PBX4: variants seen among roughly 807,000 people sequenced by gnomAD.
The protein encoded by PBX4 is pre-B-cell leukemia transcription factor 4.
In PBX4, 26 loss-of-function variants were observed where a neutral mutation model predicts 35.1. That is an observed-to-expected ratio of 0.74 (90% CI 0.54 to 1.03). PBX4 has a LOEUF of 1.03. PBX4 is among the 50% of genes least tolerant of loss of function. The pLI is 0.00. For synonymous variants in PBX4, 199 were observed against 204.2 expected (o/e 0.97, Z 0.22); for missense variants, 448 against 504.3 (o/e 0.89, Z 1.07).
intron 2 of PBX4, among the ~76,000 whole-genome samples, chr19:19,586,805 C>A (rs778728649): frequency 6.6e-6 from 1 of 151,662 alleles, no homozygotes; most frequent in African/African-American, 2.4e-5. Context: ...GTGGCATGCA[C>A]CTGTAGTCCC....
At chr19:19,588,583 T>G (rs2061505750) in intron 2 of PBX4, among the ~76,000 whole-genome samples, 3 of 151,642 alleles carry the variant, frequency 2.0e-5, no homozygotes, top group South Asian at 4.2e-4. Flanking sequence ...CCCAATTTTT[T>G]CATCTGAAGA....
chr19:19,600,474 T>C (rs1026694740), intron 1 of PBX4, among the ~76,000 whole-genome samples: 46 of 149,100 alleles, frequency 3.1e-4, no homozygotes, highest in African/African-American at 1.0e-3. Flanking sequence ...TAGTGAGCTA[T>C]GAACATGCCA....
rs397838081 is a variant in PBX4 at position 19,573,330 on chromosome 19, T to TACACACACAC, written c.194-2507_194-2498dup. Among the ~76,000 whole-genome samples, 221 of 133,368 alleles carry TACACACACAC rather than the reference T, an allele frequency of 1.7e-3. 2 individuals are homozygous for TACACACACAC. Among genetic ancestry groups the TACACACACAC allele is most frequent in the East Asian group, 2.2e-3 (10 of 4,616 alleles). The allele number at this position is 133,368 out of a possible 152,430, so 87.5% of individuals were successfully genotyped here. On this transcript the variant is annotated intron_variant, in intron 2 of 7. Coordinates refer to ENST00000251203, the MANE Select transcript of PBX4 (RefSeq NM_025245.3). The stretch of plus-strand genomic sequence containing the variant: ...CCAAAAAAAAGAAAAAAAAAAAATA[T>TACACACACAC]ACACACACACACACACACACACACA...
intron 2 of PBX4, among the ~76,000 whole-genome samples, chr19:19,591,872 T>A (rs190955123): frequency 8.3e-4 from 126 of 152,264 alleles, no homozygotes; most frequent in Admixed American, 1.4e-3. Context: ...ATTTTTATAT[T>A]TTTTTAGAGG....
chr19:19,615,038 G>A (rs1176280007), intron 1 of PBX4, among the ~76,000 whole-genome samples: 9 of 151,664 alleles, frequency 5.9e-5, no homozygotes, highest in South Asian at 2.1e-4. Context: ...AGTGGCACAC[G>A]CCTGTAATCC....
In PBX4 at chr19:19,570,607, A is replaced by T. The variant is rs773124967; in HGVS notation, c.420T>A (p.Ser140=). 6.2e-7 allele frequency: 1 copy of T among 1,614,192 alleles called. No homozygotes were observed. Among genetic ancestry groups the T allele is most frequent in the South Asian group, 1.1e-5 (1 of 91,084 alleles). ...KLSQIRQIYH[S]ELEKYEQACR... ...TCACCTGTTCATATTTCTCTAGCTC[A>T]GAGTGGTAAATCTGTCGGATCTGGG... The change falls in exon 3 of 8, where the codon TCT becomes TCA. Residue 140 remains serine (S), a synonymous_variant. Coordinates refer to ENST00000251203, the MANE Select transcript of PBX4 (RefSeq NM_025245.3).
At chr19:19,603,289 G>C (rs997998589) in intron 1 of PBX4, among the ~76,000 whole-genome samples, 5 of 152,094 alleles carry the variant, frequency 3.3e-5, no homozygotes, top group African/African-American at 1.2e-4. Context: ...CAAAGGGTAA[G>C]TCAAAGGGGT....
chr19:19,570,801 G>T lies in PBX4; in HGVS notation c.226C>A (p.Pro76Thr), dbSNP rs151268425. ...VSIRGIQDEDPPDAQLLRLDN... is the reference protein window; with the variant it reads ...VSIRGIQDEDTPDAQLLRLDN... ...AGCCTCAGGAGCTGGGCGTCAGGGG[G>T]ATCTTCGTCTTGAATGCCACGGATG... Residue 76 changes from proline (P) to threonine (T), a missense_variant, in exon 3 of 8, where the codon CCC becomes ACC. Physicochemically the swap from Pro to Thr is conservative, Grantham distance 38. Transcript: ENST00000251203. 6 of 1,613,988 alleles carry T rather than the reference G, an allele frequency of 3.7e-6. No individual in the cohort carries two copies. The African/African-American group carries it at 4.0e-5, about 11-fold the overall frequency.
At chr19:19,596,190 G>A (rs1029424241) in intron 2 of PBX4, among the ~76,000 whole-genome samples, 1 of 151,950 alleles carries the variant, frequency 6.6e-6, no homozygotes, top group Non-Finnish European at 1.5e-5. Context: ...TCAGGAGTTT[G>A]AGACGAGTCT....
chr19:19,618,439 GC>G, intron 1 of PBX4, 71 bp downstream of exon 1: 1 of 1,298,198 alleles, frequency 7.7e-7, no homozygotes. Flanking sequence ...TGGCCTCCAC[GC>G]CCCGTCCCCT....
chr19:19,594,072 C>CT (rs1440804271), intron 2 of PBX4, among the ~76,000 whole-genome samples: 45 of 140,938 alleles, frequency 3.2e-4, no homozygotes, highest in Admixed American at 1.0e-3. Flanking sequence ...CAGTGAGACT[C>CT]TGTGTCTTAA....
At chr19:19,602,393 A>C (rs1286163647) in intron 1 of PBX4, among the ~76,000 whole-genome samples, 1 of 152,170 alleles carries the variant, frequency 6.6e-6, no homozygotes, top group Non-Finnish European at 1.5e-5. Context: ...GATGTTTATC[A>C]TAAGGGAGAT....
chr19:19,599,649 C>A (rs553916827), intron 1 of PBX4, among the ~76,000 whole-genome samples: 162 of 152,066 alleles, frequency 1.1e-3, no homozygotes, highest in Middle Eastern at 3.4e-3. Flanking sequence ...ACCAGCCTGG[C>A]CAGCATGGTG....
At chr19:19,578,715 G>T (rs556725039) in intron 2 of PBX4, among the ~76,000 whole-genome samples, 1 of 152,298 alleles carries the variant, frequency 6.6e-6, no homozygotes, top group East Asian at 1.9e-4. Context: ...GTTTTTCTAA[G>T]AAACAATATG....
intron 5 of PBX4, among the ~76,000 whole-genome samples, chr19:19,568,377 AGTATCCCTCAGGGAGCTCACACTCCATCT>A (rs1568378435): frequency 3.1e-4 from 15 of 47,946 alleles, no homozygotes; most frequent in African/African-American, 9.4e-4. Flanking sequence ...ACACTCTATC[AGTATCCCTCAGGGAGCTCACACTCCATCT>A]GTATCCCTCA....
chr19:19,614,139 C>T (rs1384588620), intron 1 of PBX4, among the ~76,000 whole-genome samples: 1 of 152,136 alleles, frequency 6.6e-6, no homozygotes, highest in Non-Finnish European at 1.5e-5. Flanking sequence ...CCAGCCTGGA[C>T]AACATGGTGA....
At chr19:19,577,149 T>C (rs148840057) in intron 2 of PBX4, among the ~76,000 whole-genome samples, 2,653 of 149,732 alleles carry the variant, frequency 0.018, 83 homozygotes, top group South Asian at 0.11. Context: ...GGGCCAAGAT[T>C]GTGCCACTGC....
rs377365977 is a variant in PBX4 at position 19,562,100 on chromosome 19, C to T, written c.1050G>A (p.Gln350=). The T allele has an allele frequency of 1.2e-6, 2 of 1,611,670 alleles. No individual in the cohort carries two copies. The highest frequency in any genetic ancestry group is 3.3e-5 in the Admixed American group (2 of 59,718). Residue 350 remains glutamine (Q), a synonymous_variant, in exon 8 of 8, where the codon CAG becomes CAA. Transcript: ENST00000251203. This position sits in a 1 kb window ranked among gnomAD's most constrained non-coding sequence, Gnocchi z 4.8. ...CAGTTGCAGGTTGGGGGGTGGCCCC[C>T]TGCCAGCTACCCTGGGCCTGAAACG... ...CLQSQAQGSW[Q]GATPQPATAS... is the part of the protein sequence containing the mutation.
chr19:19,614,397 G>GC (rs971697913), intron 1 of PBX4, among the ~76,000 whole-genome samples: 50 of 151,908 alleles, frequency 3.3e-4, no homozygotes, highest in Admixed American at 2.6e-4. Context: ...ACTTTGAGAG[G>GC]CCAAGGCGGG....
Sources: gnomAD v4.1 joint callset for allele counts (sites outside exome capture counted in the v4.1 genomes callset) on GRCh38, gnomAD v4.1.1 for gene constraint, Gnocchi (gnomAD v3.1) non-coding constraint, MANE v1.5 for transcripts, NCBI Gene and HGNC (gene_info 2026-07-23, HGNC 2026-07-21) for gene names.